Variants in CNTN1 observed in about 807,000 individuals in gnomAD.
The protein encoded by CNTN1 is contactin 1, also known as contactin-1.
Under a neutral mutation model 126.4 loss-of-function variants are expected in CNTN1, and 38 were observed. The observed-to-expected ratio is 0.30, with a 90% CI of 0.23 to 0.39. The LOEUF is 0.39. CNTN1 is among the 10% of genes least tolerant of loss of function. The pLI is 1.00. For synonymous variants in CNTN1, 413 were observed against 422.6 expected, an observed-to-expected ratio of 0.98 and a Z score of 0.28; for missense variants, 1,009 against 1,248.4, an observed-to-expected ratio of 0.81 and a Z score of 2.89.
chr12:40,870,747 C>T (rs948272527), intron 1 of CNTN1, among the ~76,000 whole-genome samples: 25 of 151,938 alleles, frequency 1.6e-4, no homozygotes, highest in South Asian at 2.1e-4. Context: ...GACACATGCA[C>T]GCACACACAC....
At chr12:40,893,036 A>G (rs1337418735) in intron 1 of CNTN1, among the ~76,000 whole-genome samples, 1 of 152,072 alleles carries the variant, frequency 6.6e-6, no homozygotes, top group Non-Finnish European at 1.5e-5. Flanking sequence ...TTAAATAGAA[A>G]CATTCTGATG....
chr12:40,749,790 G>C (rs578237400), intron 1 of CNTN1, among the ~76,000 whole-genome samples: 28 of 151,760 alleles, frequency 1.8e-4, no homozygotes, highest in South Asian at 4.2e-4. Context: ...TCTATATGTC[G>C]TGGCAATAGG....
intron 23 of CNTN1, among the ~76,000 whole-genome samples, chr12:41,038,975 G>A (rs11179588): frequency 0.17 from 25,340 of 152,012 alleles, 3,016 homozygotes; most frequent in African/African-American, 0.34. Context: ...AGAACAGTAC[G>A]AAAGCCCTGA....
chr12:40,978,843 G>T (rs935103), intron 15 of CNTN1: 3 of 151,890 alleles, frequency 2.0e-5, no homozygotes, highest in African/African-American at 7.3e-5. Context: ...TCCCTTTAAC[G>T]TTTTCTGAAT....
At chr12:40,980,768 T>G (rs936034869) in intron 15 of CNTN1, 141 bp from the exon 16 acceptor site, 10 of 768,310 alleles carry the variant, frequency 1.3e-5, no homozygotes, top group Admixed American at 2.2e-5. Flanking sequence ...TTATAATCTA[T>G]ATTTAAAAGA....
chr12:40,877,102 G>T (rs1373446662), intron 1 of CNTN1, among the ~76,000 whole-genome samples: 1 of 152,102 alleles, frequency 6.6e-6, no homozygotes, highest in East Asian at 1.9e-4. Context: ...TCTTGAACAA[G>T]TTGGCATATT....
intron 1 of CNTN1, among the ~76,000 whole-genome samples, chr12:40,872,746 G>A (rs1381657682): frequency 6.6e-6 from 1 of 151,482 alleles, no homozygotes; most frequent in East Asian, 1.9e-4. Context: ...AATTTGTGTA[G>A]AGATGGGGTT....
At chr12:40,746,506 G>C (rs890859536) in intron 1 of CNTN1, among the ~76,000 whole-genome samples, 1 of 152,092 alleles carries the variant, frequency 6.6e-6, no homozygotes, top group African/African-American at 2.4e-5. Flanking sequence ...AAAAGCTTTA[G>C]AGCAGGAACA....
At chr12:41,046,107 A>G (rs1449678440) in intron 23 of CNTN1, among the ~76,000 whole-genome samples, 1 of 152,136 alleles carries the variant, frequency 6.6e-6, no homozygotes, top group Non-Finnish European at 1.5e-5. Flanking sequence ...TAGGATATCA[A>G]CATCCATGTA....
chr12:41,062,484 G>C (rs1949956152), intron 23 of CNTN1, among the ~76,000 whole-genome samples: 1 of 152,040 alleles, frequency 6.6e-6, no homozygotes, highest in Non-Finnish European at 1.5e-5. Flanking sequence ...ATAACATTTA[G>C]ACAGGATGGA....
At chr12:41,056,015 C>G (rs1019418604) in intron 23 of CNTN1, among the ~76,000 whole-genome samples, 4 of 152,122 alleles carry the variant, frequency 2.6e-5, no homozygotes, top group South Asian at 2.1e-4. Flanking sequence ...TAAGTGGTAC[C>G]CTAAATCCTA....
intron 23 of CNTN1, among the ~76,000 whole-genome samples, chr12:41,048,537 C>T (rs1440763460): frequency 6.6e-6 from 1 of 152,144 alleles, no homozygotes; most frequent in South Asian, 2.1e-4. Context: ...TAACACCTCT[C>T]GTTAATTCAA....
chr12:40,766,512 G>C (rs1231382189), intron 1 of CNTN1, among the ~76,000 whole-genome samples: 2 of 152,146 alleles, frequency 1.3e-5, no homozygotes, highest in African/African-American at 4.8e-5. Flanking sequence ...GTATGTATTG[G>C]ATGGGGCTTG....
At chr12:40,716,322 C>T (rs751531682) in intron 1 of CNTN1, among the ~76,000 whole-genome samples, 3 of 151,012 alleles carry the variant, frequency 2.0e-5, no homozygotes, top group Non-Finnish European at 3.0e-5. Context: ...TCTCCTTTCC[C>T]TCCCTTCCTT....
intron 23 of CNTN1, among the ~76,000 whole-genome samples, chr12:41,062,788 CTCT>C (rs1236300158): frequency 2.0e-5 from 3 of 152,080 alleles, no homozygotes; most frequent in Admixed American, 6.6e-5. Flanking sequence ...TAAAACATAC[CTCT>C]TCTTCTTTTA....
intron 1 of CNTN1, among the ~76,000 whole-genome samples, chr12:40,727,330 C>G (rs190818620): frequency 6.6e-6 from 1 of 151,026 alleles, no homozygotes. Flanking sequence ...GAATGTCAGG[C>G]AAATATAATA....
At chr12:41,000,222 T>G (rs1345639271) in intron 17 of CNTN1, among the ~76,000 whole-genome samples, 1 of 152,180 alleles carries the variant, frequency 6.6e-6, no homozygotes, top group Non-Finnish European at 1.5e-5. Flanking sequence ...TTCAGTAAAA[T>G]GCTTTAACAA....
At chr12:40,820,266 T>G (rs1233829345) in intron 1 of CNTN1, among the ~76,000 whole-genome samples, 4 of 152,182 alleles carry the variant, frequency 2.6e-5, no homozygotes, top group African/African-American at 9.7e-5. Context: ...AGGGCATTAC[T>G]CTATTCCTGA....
intron 22 of CNTN1, among the ~76,000 whole-genome samples, chr12:41,028,736 A>G (rs1398949878): frequency 6.6e-6 from 1 of 152,178 alleles, no homozygotes; most frequent in Non-Finnish European, 1.5e-5. Flanking sequence ...GACCATTTCA[A>G]TATATTTTAA....
Sources: allele counts gnomAD v4.1 joint callset (sites outside exome capture counted in the v4.1 genomes callset), GRCh38; gene constraint gnomAD v4.1.1; transcripts MANE v1.5; gene names NCBI Gene and HGNC (gene_info 2026-07-23, HGNC 2026-07-21).